ZNF688: variants seen among roughly 807,000 people sequenced by gnomAD.
ZNF688 encodes the protein zinc finger protein 688.
In ZNF688, 10 loss-of-function variants were observed where a neutral mutation model predicts 13.2. The observed-to-expected ratio is 0.76, with a 90% CI of 0.47 to 1.28. The LOEUF is 1.28. Among genes scored for constraint, ZNF688 ranks in the 50% most tolerant of loss-of-function variants. The pLI, the probability that ZNF688 is intolerant of heterozygous loss-of-function variation, is 0.00. For synonymous variants in ZNF688, 160 were observed against 159.4 expected (o/e 1.00, Z -0.03); for missense variants, 381 against 391.4 (o/e 0.97, Z 0.22).
Position 30,570,419 on chromosome 16 carries a change from T to G in ZNF688, c.328A>C (p.Lys110Gln). The G allele has an allele frequency of 6.2e-7, 1 of 1,612,122 alleles. No individual in the cohort carries two copies. Among genetic ancestry groups the G allele is most frequent in the Non-Finnish European group, 8.5e-7 (1 of 1,179,420 alleles). The stretch of plus-strand genomic sequence containing the variant: ...GGGACTTCCTCCGGTTCCTCTTCCT[T>G]CCTGTTTGGGACATCTCCTGGGAAA... Reference protein sequence around the residue: ...GARRGDVPNRKEEEPEEVPRA... With the variant: ...GARRGDVPNRQEEEPEEVPRA... The change falls in exon 3 of 3, where the codon AAG becomes CAG. Residue 110 changes from lysine (K) to glutamine (Q), a missense_variant. Transcript: ENST00000223459.
At chr16:30,576,387 T>A (rs1251797014), upstream of ZNF688, among the ~76,000 whole-genome samples, 5 of 152,234 alleles carry the variant, frequency 3.3e-5, no homozygotes, top group African/African-American at 1.2e-4. Context: ...ATTTTTTGTA[T>A]TTTTAGAAGA....
In ZNF688 at chr16:30,571,086, C is replaced by CT; in HGVS notation, c.233_234insA (p.Met78IlefsTer6). 6.2e-7 allele frequency: 1 copy of CT among 1,600,086 alleles called. No individual in the cohort carries two copies. The highest frequency in any genetic ancestry group is 1.1e-5 in the South Asian group (1 of 90,178). ...GGCTCCAAGCCTCACTCTCCTGTTC[C>CT]ATCCAAGAGATGAGGGCTGGTTTGG... On this transcript the variant is annotated frameshift_variant, in exon 2 of 3. Transcript: ENST00000223459. LOFTEE classifies it high-confidence loss of function.
Position 30,571,441 on chromosome 16 carries a change from G to T in ZNF688, c.189C>A (p.Gly63=). The T allele has an allele frequency of 6.4e-7, 1 of 1,570,312 alleles. No individual in the cohort carries two copies. The highest frequency in any genetic ancestry group is 8.6e-7 in the Non-Finnish European group (1 of 1,158,790). Residue 63 remains glycine (G), a synonymous_variant, in exon 1 of 3, where the codon GGC becomes GGA. Transcript: ENST00000223459. ...DVMQETYGHL[G]ALGFPGPKPA... is the part of the protein sequence containing the mutation. ...CGGACCCGGGGCTCTCACCGAGCGC[G>T]CCCAGGTGGCCGTAGGTCTCCTGCA...
upstream of ZNF688, among the ~76,000 whole-genome samples, chr16:30,572,946 G>C (rs891351679): frequency 6.6e-6 from 1 of 151,704 alleles, no homozygotes; most frequent in African/African-American, 2.4e-5. Context: ...ATCTCGGCTT[G>C]CCCAGGCTGG....
At chr16:30,574,836 A>G (rs370851002), upstream of ZNF688, among the ~76,000 whole-genome samples, 4 of 152,080 alleles carry the variant, frequency 2.6e-5, no homozygotes, top group Non-Finnish European at 5.9e-5. Context: ...GTTTGTACCC[A>G]TTACCCAACT....
chr16:30,574,888 C>A (rs2051732194), upstream of ZNF688, among the ~76,000 whole-genome samples: 1 of 152,198 alleles, frequency 6.6e-6, no homozygotes, highest in South Asian at 2.1e-4. Context: ...CCCTTCCAAT[C>A]TCTGGTATCA....
At chr16:30,577,990 G>A in the ZNF688 span, among the ~76,000 whole-genome samples, 11 of 152,026 alleles carry the variant, frequency 7.2e-5, no homozygotes, top group Admixed American at 7.2e-4. Context: ...TTTCAAGTAA[G>A]ACTAAAACTG....
chr16:30,572,006 C>A, upstream of ZNF688: 1 of 1,407,344 alleles, frequency 7.1e-7, no homozygotes. Context: ...GTCCCACTTG[C>A]CCTTAAATAA....
At chr16:30,576,499 C>T (rs931063128), upstream of ZNF688, among the ~76,000 whole-genome samples, 5 of 152,056 alleles carry the variant, frequency 3.3e-5, no homozygotes, top group African/African-American at 4.8e-5. Flanking sequence ...CGTGAGCCAC[C>T]GCGCCCAGCC....
chr16:30,576,321 C>T (rs2051747397), upstream of ZNF688, among the ~76,000 whole-genome samples: 1 of 152,226 alleles, frequency 6.6e-6, no homozygotes, highest in Admixed American at 6.5e-5. Context: ...ACGCCATTCT[C>T]CCGCCTCAGC....
chr16:30,571,913 T>C (rs1461786725), upstream of ZNF688: 3 of 1,281,784 alleles, frequency 2.3e-6, no homozygotes, highest in Non-Finnish European at 2.0e-6. Flanking sequence ...GCGACCACCC[T>C]TCAATTGTCA....
upstream of ZNF688, chr16:30,572,288 G>A (rs2051700082): frequency 1.3e-6 from 2 of 1,500,660 alleles, no homozygotes; most frequent in Non-Finnish European, 1.8e-6. Context: ...GCGGTGCTCG[G>A]GATTGTGTCC....
At position 30,570,406 on chromosome 16, in the gene ZNF688, G is replaced by C. The variant is rs772248056; in HGVS notation, c.341C>G (p.Pro114Arg). ...GDVPNRKEEE[P>R]EEVPRAKGPR... ...CCCTTTGGCTCTTGGGACTTCCTCC[G>C]GTTCCTCTTCCTTCCTGTTTGGGAC... is the stretch of plus-strand genomic sequence containing the variant. Residue 114 changes from proline (P) to arginine (R), a missense_variant, in exon 3 of 3, where the codon CCG (proline) becomes CGG (arginine). Physicochemically the swap from Pro to Arg is moderately radical, Grantham distance 103. Transcript: ENST00000223459. 3 of 1,613,112 alleles carry C rather than the reference G, an allele frequency of 1.9e-6. No homozygotes were observed. The highest frequency in any genetic ancestry group is 1.7e-5 in the Admixed American group (1 of 59,970).
chr16:30,575,488 G>A (rs920775955), upstream of ZNF688, among the ~76,000 whole-genome samples: 1 of 151,896 alleles, frequency 6.6e-6, no homozygotes, highest in African/African-American at 2.4e-5. Flanking sequence ...TCTGGTGATC[G>A]ACCAGCCTTG....
chr16:30,576,855 A>G (rs2051752380), upstream of ZNF688, among the ~76,000 whole-genome samples: 2 of 151,834 alleles, frequency 1.3e-5, no homozygotes, highest in East Asian at 1.9e-4. Flanking sequence ...TGCAGCCTCA[A>G]CCTCCCTGGG....
Position 30,569,792 on chromosome 16 carries a change from G to A in ZNF688, c.*124C>T. 1 of 1,236,390 alleles carries A rather than the reference G, an allele frequency of 8.1e-7. No individual in the cohort carries two copies. Among genetic ancestry groups the A allele is most frequent in the Non-Finnish European group, 1.1e-6 (1 of 939,472 alleles). The allele number at this position is 1,236,390 out of a possible 1,614,324, so 76.6% of individuals were successfully genotyped here. ...TTCTTTTTACAAGTTGGAAACTTGA[G>A]GGATCCTTGAGGAAAGCCCAGGGCA... On this transcript the variant is annotated 3_prime_UTR_variant, in exon 3 of 3. Coordinates refer to ENST00000223459, the MANE Select transcript of ZNF688 (RefSeq NM_145271.4).
At chr16:30,572,425 A>G, upstream of ZNF688, 2 of 884,062 alleles carry the variant, frequency 2.3e-6, no homozygotes, top group Non-Finnish European at 3.1e-6. Flanking sequence ...CGTGTTTTAC[A>G]GTAGCTTAGC....
chr16:30,579,185 A>G, the ZNF688 span: 1 of 152,548 alleles, frequency 6.6e-6, no homozygotes, highest in African/African-American at 2.4e-5. Flanking sequence ...AAATACATTA[A>G]TAAAATGGAT....
intron 1 of ZNF688, 77 bp downstream of exon 1, chr16:30,571,357 A>G: frequency 6.5e-7 from 1 of 1,535,158 alleles, no homozygotes; most frequent in Non-Finnish European, 8.8e-7. Flanking sequence ...TAGGGCTCAC[A>G]GTCCTCTCGG....
Sources: gnomAD v4.1 joint callset for allele counts (sites outside exome capture counted in the v4.1 genomes callset) on GRCh38, gnomAD v4.1.1 for gene constraint, MANE v1.5 for transcripts, NCBI Gene and HGNC (gene_info 2026-07-23, HGNC 2026-07-21) for gene names.